The following PCK2 variants were observed in gnomAD, a reference collection of about 807,000 sequenced individuals.
PCK2 encodes the protein phosphoenolpyruvate carboxykinase [GTP], mitochondrial.
In PCK2, 56 loss-of-function variants were observed where a neutral mutation model predicts 65.9. The ratio of observed to expected loss-of-function variants is 0.85; its 90% CI spans 0.69 to 1.06. The LOEUF is 1.06. Among genes scored for constraint, PCK2 ranks in the 50% least tolerant of loss-of-function variants. The pLI is 0.00. For missense variants in PCK2, 843 were observed against 863.1 expected, an observed-to-expected ratio of 0.98 and a Z score of 0.29; for synonymous variants, 305 against 319.6, an observed-to-expected ratio of 0.95 and a Z score of 0.49.
intron 7 of PCK2, chr14:24,100,689 C>A (rs1314090532): frequency 5.1e-6 from 2 of 393,342 alleles, no homozygotes; most frequent in Non-Finnish European, 7.0e-6. Flanking sequence ...GCTGCCTCCT[C>A]TGCTCCAACT....
rs200227305 is a variant in PCK2 at position 24,099,171 on chromosome 14, T to C, written c.787T>C (p.Cys263Arg). 3 of 1,609,724 alleles carry C rather than the reference T, an allele frequency of 1.9e-6. No homozygotes were observed. Among genetic ancestry groups the C allele is most frequent in the Admixed American group, 1.7e-5 (1 of 60,010 alleles). The part of the protein sequence containing the change: ...YGGNSLLGKK[C>R]FALRIASRLA... ...TGGCAACTCCCTGCTGGGCAAGAAG[T>C]GCTTTGCCCTACGCATCGCCTCTCG... The change falls in exon 5 of 10, where the codon TGC (cysteine) becomes CGC (arginine). Residue 263 changes from cysteine to arginine, a missense_variant. Coordinates refer to ENST00000216780, the MANE Select transcript of PCK2 (RefSeq NM_004563.4).
At chr14:24,096,331 C>G (rs941035903) in intron 1 of PCK2, among the ~76,000 whole-genome samples, 20 of 144,566 alleles carry the variant, frequency 1.4e-4, no homozygotes, top group Admixed American at 1.0e-3. Flanking sequence ...CTCCACCTCC[C>G]GGGTTCAAGC....
In PCK2 at chr14:24,098,377, C is replaced by T. The variant is rs746695245; in HGVS notation, c.450C>T (p.Gly150=). 9 of 1,611,788 alleles carry T rather than the reference C, an allele frequency of 5.6e-6. No homozygotes were observed. Among genetic ancestry groups the T allele is most frequent in the Non-Finnish European group, 6.8e-6 (8 of 1,178,174 alleles). The change falls in exon 3 of 10, where the codon GGC becomes GGT. Residue 150 remains glycine (G), a synonymous_variant. Coordinates refer to ENST00000216780, the MANE Select transcript of PCK2 (RefSeq NM_004563.4). The stretch of plus-strand genomic sequence containing the variant: ...GAGCTGTGGATGAGAGGTTTCCAGG[C>T]TGCATGCAGGGTAACCAGGGCAGGG... The part of the protein sequence containing the change: ...FQRAVDERFP[G]CMQGRTMYVL...
rs1231437890 is a variant in PCK2 at position 24,094,846 on chromosome 14, G to A, written c.29+412G>A. 1 of 1,310,554 alleles carries A rather than the reference G, an allele frequency of 7.6e-7. No homozygotes were observed. The highest frequency in any genetic ancestry group is 1.0e-6 in the Non-Finnish European group (1 of 1,002,796). 81.2% of individuals were successfully genotyped at this position (1,310,554 alleles called of 1,614,324 possible). On this transcript the variant is annotated intron_variant, in intron 1 of 9. Coordinates refer to ENST00000216780, the MANE Select transcript of PCK2 (RefSeq NM_004563.4). This position sits in a 1 kb window ranked among gnomAD's most constrained non-coding sequence, Gnocchi z 4.1. ...AGGCAGCAGGGCCCTGGGGACAAGG[G>A]TACGTGAGCCCCGGGAGACTAAGCT... is the stretch of plus-strand genomic sequence containing the variant.
In PCK2 at chr14:24,098,661, A is replaced by C. The variant is rs569543145; in HGVS notation, c.647A>C (p.Gln216Pro). 1.2e-6 allele frequency: 2 copies of C among 1,613,838 alleles called. No homozygotes were observed. Among genetic ancestry groups the C allele is most frequent in the South Asian group, 2.2e-5 (2 of 91,080 alleles). Residue 216 changes from glutamine (Q) to proline (P), a missense_variant, in exon 4 of 10, where the codon CAG becomes CCG. Gln to Pro is a moderately conservative substitution (Grantham distance 76, BLOSUM62 -1). Transcript: ENST00000216780. ...GTCAAGTGTCTGCACTCCGTGGGCC[A>C]GCCCCTGACAGGACAAGGTAAGCAC... ...DFVKCLHSVG[Q>P]PLTGQGEPVS...
At position 24,098,396 on chromosome 14, in the gene PCK2, G is replaced by A. The variant is rs770794151; in HGVS notation, c.460+9G>A. 1 of 1,611,920 alleles carries A rather than the reference G, an allele frequency of 6.2e-7. No individual in the cohort carries two copies. On this transcript the variant is annotated intron_variant, in intron 3 of 9. Coordinates refer to ENST00000216780, the MANE Select transcript of PCK2 (RefSeq NM_004563.4). ...TCCAGGCTGCATGCAGGGTAACCAG[G>A]GCAGGGGCACAGTGGCAAGGGCACG...
At position 24,094,905 on chromosome 14, in the gene PCK2, T is replaced by C. The variant is rs1192184703; in HGVS notation, c.29+471T>C. 5.8e-6 allele frequency: 7 copies of C among 1,210,346 alleles called. No individual in the cohort carries two copies. The highest frequency in any genetic ancestry group is 1.6e-5 in the African/African-American group (1 of 64,088). The allele number at this position is 1,210,346 out of a possible 1,614,324, so 75.0% of individuals were successfully genotyped here. A position where few individuals can be genotyped will look rare whatever the true frequency, so the allele number is the denominator to read the frequency against. On this transcript the variant is annotated intron_variant, in intron 1 of 9. Coordinates refer to ENST00000216780, the MANE Select transcript of PCK2 (RefSeq NM_004563.4). This position sits in a 1 kb window ranked among gnomAD's most constrained non-coding sequence, Gnocchi z 4.1. ...CCTAAAGAAGGTGGAAGGTTAAATA[T>C]CCATTCCCGGCCTCTCCCGGACTGG...
rs1056203767 is a variant in PCK2 at position 24,103,258 on chromosome 14, G to A, written c.1468+3G>A. ...CACTGCTGCAGCAGAACACAAAGGT[G>A]AGCACCCTCACCATTCCTCCCTCTC... On this transcript the variant is annotated splice_donor_region_variant and intron_variant, in intron 9 of 9. Coordinates refer to ENST00000216780, the MANE Select transcript of PCK2 (RefSeq NM_004563.4). 6.2e-7 allele frequency: 1 copy of A among 1,609,426 alleles called. No homozygotes were observed. Among genetic ancestry groups the A allele is most frequent in the Non-Finnish European group, 8.5e-7 (1 of 1,176,022 alleles).
chr14:24,098,118 A>T, intron 2 of PCK2, 85 bp from the exon 3 acceptor site: 1 of 1,090,716 alleles, frequency 9.2e-7, no homozygotes, highest in Non-Finnish European at 1.3e-6. Flanking sequence ...GAAGACCTGG[A>T]GTCAAAGTTG....
chr14:24,099,198 C>T lies in PCK2; in HGVS notation c.814C>T (p.Leu272=). The part of the protein sequence containing the change: ...KCFALRIASR[L]ARDEGWLAEH... ...CTTTGCCCTACGCATCGCCTCTCGG[C>T]TGGCCCGGGATGAGGGCTGGCTGGC... is the stretch of plus-strand genomic sequence containing the variant. The change falls in exon 5 of 10, where the codon CTG becomes TTG. Residue 272 remains leucine, a synonymous_variant. Coordinates refer to ENST00000216780, the MANE Select transcript of PCK2 (RefSeq NM_004563.4). The T allele has an allele frequency of 6.2e-7, 1 of 1,603,566 alleles. No individual in the cohort carries two copies. Among genetic ancestry groups the T allele is most frequent in the Non-Finnish European group, 8.5e-7 (1 of 1,177,946 alleles).
chr14:24,098,140 G>T, intron 2 of PCK2, 63 bp from the exon 3 acceptor site: 2 of 1,427,540 alleles, frequency 1.4e-6, no homozygotes, highest in South Asian at 1.4e-5. Context: ...ACTTGAAAAA[G>T]TGGGTCTAGG....
At chr14:24,096,115 T>C (rs2036865789) in intron 1 of PCK2, among the ~76,000 whole-genome samples, 1 of 151,586 alleles carries the variant, frequency 6.6e-6, no homozygotes, top group South Asian at 2.1e-4. Context: ...TATAAAAAAC[T>C]ATACTTGAAA....
In PCK2 at chr14:24,102,789, T is replaced by G. The variant is rs766166255; in HGVS notation, c.1271T>G (p.Phe424Cys). Reference protein sequence around the residue: ...KEPCAHPNSRFCAPARQCPIM... With the variant: ...KEPCAHPNSRCCAPARQCPIM... ...CCCTGTGCACATCCCAACTCTCGAT[T>G]TTGTGCCCCGGCTCGCCAGTGCCCC... The change falls in exon 8 of 10, where the codon TTT becomes TGT. Residue 424 changes from phenylalanine to cysteine, a missense_variant. Physicochemically the swap from Phe to Cys is radical, Grantham distance 205. Coordinates refer to ENST00000216780, the MANE Select transcript of PCK2 (RefSeq NM_004563.4). 4.7e-5 allele frequency: 76 copies of G among 1,613,902 alleles called. No homozygotes were observed. The highest frequency in any genetic ancestry group is 2.5e-6 in the Non-Finnish European group (3 of 1,179,886).
At chr14:24,100,592 A>G in intron 7 of PCK2, 1 of 1,083,800 alleles carries the variant, frequency 9.2e-7, no homozygotes, top group Non-Finnish European at 1.1e-6. Flanking sequence ...TAATGAAAGG[A>G]AAAGGAAGGA....
chr14:24,100,591 G>A (rs2037124404), intron 7 of PCK2: 2 of 1,082,146 alleles, frequency 1.8e-6, no homozygotes, highest in African/African-American at 3.3e-5. Context: ...TTAATGAAAG[G>A]AAAAGGAAGG....
At position 24,103,710 on chromosome 14, in the gene PCK2, TG is replaced by T. The variant is rs1305819816; in HGVS notation, c.1671del (p.Trp557Ter). On this transcript the variant is annotated frameshift_variant, in exon 10 of 10. Transcript: ENST00000216780. LOFTEE classifies it high-confidence loss of function. ...GFGENARVLD[W>X]ICRRLEGEDS... ...TGGGGAGAATGCTCGGGTGCTAGAC[TG>T]GATCTGCCGGCGGTTAGAGGGGGAG... 2 of 1,614,070 alleles carry T rather than the reference TG, an allele frequency of 1.2e-6. No homozygotes were observed. The highest frequency in any genetic ancestry group is 3.3e-5 in the Admixed American group (2 of 60,010).
In PCK2 at chr14:24,094,826, G is replaced by C; in HGVS notation, c.29+392G>C. 1.5e-6 allele frequency: 2 copies of C among 1,326,248 alleles called. No homozygotes were observed. Among genetic ancestry groups the C allele is most frequent in the South Asian group, 1.2e-5 (1 of 81,324 alleles). The allele number at this position is 1,326,248 out of a possible 1,614,324, so 82.2% of individuals were successfully genotyped here. ...GCGCCCCAGGGTACTTCGAGAGGCA[G>C]CAGGGCCCTGGGGACAAGGGTACGT... On this transcript the variant is annotated intron_variant, in intron 1 of 9. Coordinates refer to ENST00000216780, the MANE Select transcript of PCK2 (RefSeq NM_004563.4). The surrounding 1 kb of genome is among the most constrained non-coding windows in gnomAD (Gnocchi z 4.1).
chr14:24,095,240 G>T (rs1165640752), intron 1 of PCK2: 1 of 455,828 alleles, frequency 2.2e-6, no homozygotes, highest in East Asian at 7.0e-5. Context: ...GTCCCACTTA[G>T]AGGGCTGCAA....
In PCK2 at chr14:24,094,677, G is replaced by T; in HGVS notation, c.29+243G>T. ...CTGCCTCGCTCGCCTCTGACCGCGCGATCTCTATCTGCCACTCTCAGAACT... is the reference window on the plus strand; with the variant it reads ...CTGCCTCGCTCGCCTCTGACCGCGCTATCTCTATCTGCCACTCTCAGAACT... On this transcript the variant is annotated intron_variant, in intron 1 of 9. Coordinates refer to ENST00000216780, the MANE Select transcript of PCK2 (RefSeq NM_004563.4). The surrounding 1 kb of genome is among the most constrained non-coding windows in gnomAD (Gnocchi z 4.1). The T allele has an allele frequency of 1.3e-6, 2 of 1,516,772 alleles. No individual in the cohort carries two copies. Among genetic ancestry groups the T allele is most frequent in the East Asian group, 2.5e-5 (1 of 40,238 alleles). The allele number at this position is 1,516,772 out of a possible 1,614,324, so 94.0% of individuals were successfully genotyped here. A position where few individuals can be genotyped will look rare whatever the true frequency, so the allele number is the denominator to read the frequency against.
Sources: allele counts gnomAD v4.1 joint callset (sites outside exome capture counted in the v4.1 genomes callset), GRCh38; gene constraint gnomAD v4.1.1; non-coding constraint Gnocchi (gnomAD v3.1); transcripts MANE v1.5; gene names NCBI Gene and HGNC (gene_info 2026-07-23, HGNC 2026-07-21).